HCRTR2: variants seen among roughly 807,000 people sequenced by gnomAD.
The protein encoded by HCRTR2 is orexin receptor type 2.
In HCRTR2, 22 loss-of-function variants were observed where a neutral mutation model predicts 49.0. The observed-to-expected ratio is 0.45, with a 90% CI of 0.32 to 0.64. The LOEUF (loss-of-function observed/expected upper bound fraction) is 0.64. HCRTR2 is among the 30% of genes least tolerant of loss of function. HCRTR2 has a pLI of 0.04. For missense variants in HCRTR2, 491 were observed against 559.4 expected, an observed-to-expected ratio of 0.88 and a Z score of 1.23; for synonymous variants, 236 against 205.3, an observed-to-expected ratio of 1.15 and a Z score of -1.28.
At chr6:55,201,706 G>A (rs1765516293) in intron 1 of HCRTR2, among the ~76,000 whole-genome samples, 2 of 152,238 alleles carry the variant, frequency 1.3e-5, no homozygotes, top group African/African-American at 4.8e-5. Flanking sequence ...CAATGCTTAA[G>A]GGGAATTTGC....
upstream of HCRTR2, among the ~76,000 whole-genome samples, chr6:55,170,734 TCCCCCA>T (rs1270159991): frequency 1.9e-5 from 2 of 107,272 alleles, no homozygotes; most frequent in Non-Finnish European, 3.6e-5. Flanking sequence ...CCCTCCCCCC[TCCCCCA>T]CCCCACGACA....
rs1767103917 is a variant in HCRTR2, at chr6:55,277,613, T to G, written c.983+13T>G. ...ATGTGCTAAAGAGGTAAAACTTATC[T>G]GTTATTTGAAAATGAAATAGCCTGC... is the stretch of plus-strand genomic sequence containing the variant. On this transcript the variant is annotated intron_variant, in intron 5 of 6. Coordinates refer to ENST00000370862, the MANE Select transcript of HCRTR2 (RefSeq NM_001384272.1). 6.3e-7 allele frequency: 1 copy of G among 1,581,844 alleles called. No homozygotes were observed. The highest frequency in any genetic ancestry group is 1.3e-5 in the African/African-American group (1 of 74,284).
intron 1 of HCRTR2, among the ~76,000 whole-genome samples, chr6:55,119,686 A>T (rs996039909): frequency 6.7e-6 from 1 of 150,000 alleles, no homozygotes; most frequent in Non-Finnish European, 1.5e-5. Flanking sequence ...TGTCAGATGG[A>T]TAGATTGCAA....
chr6:55,230,258 A>G (rs1766088519), intron 1 of HCRTR2, among the ~76,000 whole-genome samples: 1 of 152,212 alleles, frequency 6.6e-6, no homozygotes, highest in South Asian at 2.1e-4. Context: ...TAAACTGCTA[A>G]GATTTGAGCA....
intron 1 of HCRTR2, among the ~76,000 whole-genome samples, chr6:55,195,951 G>A (rs533074946): frequency 2.6e-5 from 4 of 152,162 alleles, no homozygotes; most frequent in South Asian, 4.1e-4. Context: ...CAGCCTGGGC[G>A]ACAGAGCGAG....
rs556616955 is a variant in HCRTR2, at chr6:55,264,411, C to T, written c.762+589C>T. 4.6e-5 allele frequency among the ~76,000 whole-genome samples: 7 copies of T among 152,182 alleles called. No individual in the cohort carries two copies. The East Asian group carries it at 1.3e-3, about 29-fold the overall frequency. On this transcript the variant is annotated intron_variant, in intron 4 of 6. Transcript: ENST00000370862. Reference sequence around the variant, plus strand: ...GTATCAGTGAATGTTTGTATTCATTCACTCAGTTATTCATTCCTGAAATAC... The same window carrying T: ...GTATCAGTGAATGTTTGTATTCATTTACTCAGTTATTCATTCCTGAAATAC...
At chr6:55,174,956 A>T (rs915053348) in intron 1 of HCRTR2, 146 bp downstream of exon 1, 3 of 634,254 alleles carry the variant, frequency 4.7e-6, no homozygotes, top group African/African-American at 1.8e-5. Flanking sequence ...TAAAATAATA[A>T]TAATAATAGA....
At chr6:55,214,248 A>C (rs9396060) in intron 1 of HCRTR2, among the ~76,000 whole-genome samples, 20,721 of 152,210 alleles carry the variant, frequency 0.14, 1,832 homozygotes, top group East Asian at 0.27. Context: ...GAGGCCCCAG[A>C]ATTTCTAGCT....
intron 1 of HCRTR2, among the ~76,000 whole-genome samples, chr6:55,235,876 C>T (rs1466593128): frequency 2.6e-5 from 4 of 151,780 alleles, no homozygotes; most frequent in Non-Finnish European, 4.4e-5. Flanking sequence ...ACATTTATAT[C>T]CTTGTACCAG....
chr6:55,214,012 A>G (rs557567693), intron 1 of HCRTR2, among the ~76,000 whole-genome samples: 1 of 152,134 alleles, frequency 6.6e-6, no homozygotes, highest in African/African-American at 2.4e-5. Flanking sequence ...TACCACACCA[A>G]TCTCAGAGTG....
At chr6:55,143,564 A>G (rs1051913099) in intron 1 of HCRTR2, among the ~76,000 whole-genome samples, 1 of 152,206 alleles carries the variant, frequency 6.6e-6, no homozygotes, top group African/African-American at 2.4e-5. Context: ...TGTGTGACTG[A>G]TGTAACCTTG....
intron 1 of HCRTR2, among the ~76,000 whole-genome samples, chr6:55,141,596 CTTA>C (rs957191390): frequency 5.9e-5 from 9 of 152,054 alleles, no homozygotes; most frequent in African/African-American, 2.2e-4. Flanking sequence ...TAGAGAAGAG[CTTA>C]TAATTTATTT....
rs552019666 is a variant in HCRTR2 at position 55,132,573 on chromosome 6, T to G, written c.-378+26028T>G. Among the ~76,000 whole-genome samples the G allele has an allele frequency of 2.3e-3, 346 of 151,972 alleles. 1 individual carries two copies. The highest frequency in any genetic ancestry group is 8.2e-3 in the African/African-American group (340 of 41,550). ...TGGTGCATTAAAGTTAAATGTTTTT[T>G]GGGAGACATAGATTATAAACAGTTA... On this transcript the variant is annotated intron_variant, in intron 1 of 7. Coordinates refer to the HCRTR2 transcript ENST00000615358.
intron 4 of HCRTR2, among the ~76,000 whole-genome samples, chr6:55,267,402 C>CTTT (rs1177744072): frequency 4.1e-5 from 5 of 123,292 alleles, no homozygotes; most frequent in African/African-American, 1.5e-4. Flanking sequence ...CTCTCTCTCT[C>CTTT]TGTTTTTTTT....
chr6:55,237,828 A>G (rs898389642), intron 1 of HCRTR2, among the ~76,000 whole-genome samples: 5 of 152,222 alleles, frequency 3.3e-5, no homozygotes, highest in African/African-American at 1.2e-4. Flanking sequence ...CTTTCGTACT[A>G]CAATATTTAG....
chr6:55,180,796 CT>C (rs890674861), intron 1 of HCRTR2, among the ~76,000 whole-genome samples: 2 of 151,344 alleles, frequency 1.3e-5, no homozygotes, highest in Non-Finnish European at 2.9e-5. Context: ...AATAGATGAA[CT>C]TTTTTTAATT....
intron 1 of HCRTR2, among the ~76,000 whole-genome samples, chr6:55,245,371 G>GTATA (rs71767441): frequency 2.7e-3 from 369 of 137,332 alleles, no homozygotes; most frequent in African/African-American, 9.3e-3. Context: ...ATGTGTGTGT[G>GTATA]TATATATATA....
chr6:55,158,855 G>A (rs1255690913), intron 1 of HCRTR2, among the ~76,000 whole-genome samples: 2 of 152,238 alleles, frequency 1.3e-5, no homozygotes, highest in Admixed American at 6.5e-5. Context: ...GGCACCTGGG[G>A]AAAGGGGCAG....
intron 1 of HCRTR2, among the ~76,000 whole-genome samples, chr6:55,126,923 G>A (rs959307890): frequency 2.0e-5 from 3 of 152,108 alleles, no homozygotes; most frequent in African/African-American, 7.2e-5. Context: ...CCTCTACCAA[G>A]CTCAAGAGTC....
Sources: allele counts gnomAD v4.1 joint callset (sites outside exome capture counted in the v4.1 genomes callset), GRCh38; gene constraint gnomAD v4.1.1; transcripts MANE v1.5; gene names NCBI Gene and HGNC (gene_info 2026-07-23, HGNC 2026-07-21).